The following DLGAP2 variants were observed in gnomAD, a reference collection of about 807,000 sequenced individuals.
The protein encoded by DLGAP2 is DLG associated protein 2, also known as disks large-associated protein 2.
In DLGAP2, 26 loss-of-function variants were observed where a neutral mutation model predicts 100.3. The observed-to-expected ratio is 0.26, with a 90% CI of 0.19 to 0.36. The LOEUF is 0.36. Among genes scored for constraint, DLGAP2 ranks in the 10% least tolerant of loss-of-function variants. DLGAP2 has a pLI of 1.00. For missense variants in DLGAP2, 1,858 were observed against 1,453.2 expected (o/e 1.28, Z -4.53); for synonymous variants, 886 against 630.1 (o/e 1.41, Z -6.08).
chr8:873,980 G>C (rs1797645210), intron 1 of DLGAP2, among the ~76,000 whole-genome samples: 1 of 151,978 alleles, frequency 6.6e-6, no homozygotes, highest in South Asian at 2.1e-4. Flanking sequence ...TCATCTTAGG[G>C]CATCTACTTT....
rs1799760942 is a variant in DLGAP2 at position 1,708,365 on chromosome 8, T to C, written c.*6959T>C. ...TCATTGTTGAAATATCCTCAATTTC[T>C]CTATATTTTAAGAAGTAATGGACAT... On this transcript the variant is annotated 3_prime_UTR_variant, in exon 15 of 15. Coordinates refer to ENST00000637795, the MANE Select transcript of DLGAP2 (RefSeq NM_001346810.2). 6.6e-6 allele frequency: 1 copy of C among 152,250 alleles called. No individual in the cohort carries two copies. Among genetic ancestry groups the C allele is most frequent in the Non-Finnish European group, 1.5e-5 (1 of 68,040 alleles). 9.4% of individuals were successfully genotyped at this position (152,250 alleles called of 1,614,324 possible).
At chr8:1,378,423 C>T (rs1796012509) in intron 3 of DLGAP2, among the ~76,000 whole-genome samples, 1 of 151,924 alleles carries the variant, frequency 6.6e-6, no homozygotes, top group Non-Finnish European at 1.5e-5. Flanking sequence ...GTCCGTCCTG[C>T]ACACACCTGA....
At chr8:1,252,752 C>T (rs897257438) in intron 2 of DLGAP2, among the ~76,000 whole-genome samples, 8 of 152,232 alleles carry the variant, frequency 5.3e-5, no homozygotes, top group African/African-American at 1.9e-4. Flanking sequence ...ATCTAGAGCT[C>T]CTGTTGAAGC....
At chr8:1,131,218 T>C (rs1481772295) in intron 2 of DLGAP2, among the ~76,000 whole-genome samples, 1 of 152,012 alleles carries the variant, frequency 6.6e-6, no homozygotes, top group Non-Finnish European at 1.5e-5. Flanking sequence ...CCACTCAGAG[T>C]CAGGGGTGCC....
At chr8:1,103,198 G>A (rs1419182447) in intron 2 of DLGAP2, among the ~76,000 whole-genome samples, 2 of 152,212 alleles carry the variant, frequency 1.3e-5, no homozygotes, top group Admixed American at 6.5e-5. Context: ...TGCCCTGTGT[G>A]TGTATCACAT....
intron 3 of DLGAP2, among the ~76,000 whole-genome samples, chr8:1,358,085 C>A (rs1032755347): frequency 2.0e-5 from 3 of 152,142 alleles, no homozygotes; most frequent in African/African-American, 7.2e-5. Flanking sequence ...CAGAACGCAG[C>A]CCCCTCCCAG....
chr8:1,660,566 T>C (rs148181421), intron 8 of DLGAP2, among the ~76,000 whole-genome samples: 1 of 152,338 alleles, frequency 6.6e-6, no homozygotes, highest in African/African-American at 2.4e-5. Flanking sequence ...TGGAAGTTTT[T>C]ATGTGTATTG....
At chr8:1,250,366 G>A (rs193183046) in intron 2 of DLGAP2, 1 of 152,290 alleles carries the variant, frequency 6.6e-6, no homozygotes, top group Non-Finnish European at 1.5e-5. Flanking sequence ...ACAGCTGCAT[G>A]GGTCAGGGGC....
intron 2 of DLGAP2, among the ~76,000 whole-genome samples, chr8:1,180,307 G>A (rs548176924): frequency 4.6e-5 from 7 of 152,306 alleles, no homozygotes; most frequent in African/African-American, 1.4e-4. Context: ...ACTGCAGAGC[G>A]TTCCCTCCTG....
At chr8:878,381 T>C (rs1797723696) in intron 1 of DLGAP2, among the ~76,000 whole-genome samples, 1 of 152,078 alleles carries the variant, frequency 6.6e-6, no homozygotes, top group Admixed American at 6.5e-5. Context: ...GTTCAGAAAA[T>C]TCTTGATGAA....
intron 6 of DLGAP2, among the ~76,000 whole-genome samples, chr8:1,577,961 G>A (rs1469102946): frequency 6.6e-6 from 1 of 152,258 alleles, no homozygotes; most frequent in African/African-American, 2.4e-5. Context: ...CTGCATTAAT[G>A]TAATCTGATA....
intron 3 of DLGAP2, among the ~76,000 whole-genome samples, chr8:1,382,773 GT>G (rs1384904091): frequency 6.6e-6 from 1 of 152,088 alleles, no homozygotes; most frequent in Non-Finnish European, 1.5e-5. Flanking sequence ...AATGTGTATA[GT>G]TTACATTGAT....
intron 2 of DLGAP2, among the ~76,000 whole-genome samples, chr8:1,253,332 C>T (rs888672004): frequency 2.0e-5 from 3 of 152,180 alleles, no homozygotes; most frequent in African/African-American, 7.2e-5. Flanking sequence ...TATCTCCCGG[C>T]TCCATCGGCT....
At chr8:1,029,425 G>A (rs118139163) in intron 2 of DLGAP2, among the ~76,000 whole-genome samples, 1,930 of 152,324 alleles carry the variant, frequency 0.013, 20 homozygotes, top group Non-Finnish European at 0.02. Flanking sequence ...AGGCATCAGG[G>A]AAATCAATGG....
At chr8:1,449,820 GGCC>G (rs1563156223) in intron 3 of DLGAP2, among the ~76,000 whole-genome samples, 79 of 146,728 alleles carry the variant, frequency 5.4e-4, no homozygotes, top group East Asian at 1.3e-3. Context: ...CGAGGTGGGC[GGCC>G]TCGGTGGCTG....
chr8:1,027,136 G>A (rs1801822970), intron 2 of DLGAP2, among the ~76,000 whole-genome samples: 1 of 152,278 alleles, frequency 6.6e-6, no homozygotes, highest in African/African-American at 2.4e-5. Flanking sequence ...TACAGAAAAG[G>A]TATAAACACA....
intron 2 of DLGAP2, among the ~76,000 whole-genome samples, chr8:1,058,581 C>T (rs1802954915): frequency 6.6e-6 from 1 of 152,190 alleles, no homozygotes; most frequent in African/African-American, 2.4e-5. Flanking sequence ...AGGAGATCAA[C>T]TTGGAGGGAG....
At chr8:925,695 A>G (rs149906597) in intron 2 of DLGAP2, among the ~76,000 whole-genome samples, 1 of 152,102 alleles carries the variant, frequency 6.6e-6, no homozygotes, top group East Asian at 1.9e-4. Flanking sequence ...AAATCTCATC[A>G]TGTATATCTG....
chr8:1,418,561 C>G (rs966949970), intron 3 of DLGAP2, among the ~76,000 whole-genome samples: 1 of 152,222 alleles, frequency 6.6e-6, no homozygotes, highest in Non-Finnish European at 1.5e-5. Flanking sequence ...CCAGTGCTCT[C>G]TCTGCATTCA....
Sources: gnomAD v4.1 joint callset for allele counts (sites outside exome capture counted in the v4.1 genomes callset) on GRCh38, gnomAD v4.1.1 for gene constraint, MANE v1.5 for transcripts, NCBI Gene and HGNC (gene_info 2026-07-23, HGNC 2026-07-21) for gene names.